PAX7: variants seen among roughly 807,000 people sequenced by gnomAD.
The protein encoded by PAX7 is paired box 7, also known as paired box protein Pax-7.
In PAX7, 18 loss-of-function variants were observed where a neutral mutation model predicts 50.7. The observed-to-expected ratio is 0.36, with a 90% CI of 0.25 to 0.53. The LOEUF (loss-of-function observed/expected upper bound fraction) is 0.53. Ranked by LOEUF, PAX7 falls within the 20% of genes least tolerant of loss-of-function variation. PAX7 has a pLI of 0.93. For synonymous variants in PAX7, 310 were observed against 290.4 expected, an observed-to-expected ratio of 1.07 and a Z score of -0.69; for missense variants, 644 against 702.9, an observed-to-expected ratio of 0.92 and a Z score of 0.95.
rs145154836 is a variant in PAX7, at chr1:18,692,499, G to A, written c.786+546G>A. On this transcript the variant is annotated intron_variant, in intron 5 of 8. Transcript: ENST00000420770. Reference sequence around the variant, plus strand: ...GGAGGTTGCAGTGAGCCAAGATTGCGCCACTGTACTCCAGCCTGGGTGACA... The same window carrying A: ...GGAGGTTGCAGTGAGCCAAGATTGCACCACTGTACTCCAGCCTGGGTGACA... 8.2e-3 allele frequency among the ~76,000 whole-genome samples: 1,229 copies of A among 150,056 alleles called. 16 individuals are homozygous for A. The highest frequency in any genetic ancestry group is 0.028 in the African/African-American group (1,123 of 40,726).
intron 8 of PAX7, among the ~76,000 whole-genome samples, chr1:18,737,355 G>A (rs1256813100): frequency 1.4e-5 from 2 of 142,866 alleles, no homozygotes; most frequent in African/African-American, 2.6e-5. Context: ...TCCTCTTCAC[G>A]TGTCGTTGGC....
At chr1:18,697,351 A>G (rs1051942486) in intron 5 of PAX7, among the ~76,000 whole-genome samples, 2 of 152,092 alleles carry the variant, frequency 1.3e-5, no homozygotes, top group Admixed American at 6.5e-5. Flanking sequence ...CTCTCTGTAA[A>G]CGGGCAGCTC....
intron 7 of PAX7, among the ~76,000 whole-genome samples, chr1:18,732,317 C>T (rs2089656299): frequency 6.6e-6 from 1 of 152,156 alleles, no homozygotes; most frequent in Admixed American, 6.5e-5. Context: ...GGCTTAGTGT[C>T]TGGCATATAA....
chr1:18,680,132 G>T (rs186993634), intron 4 of PAX7, among the ~76,000 whole-genome samples: 5 of 152,276 alleles, frequency 3.3e-5, no homozygotes, highest in South Asian at 2.1e-4. Context: ...CTAGGTTAGT[G>T]GGGGGCTGGG....
intron 4 of PAX7, among the ~76,000 whole-genome samples, chr1:18,648,536 T>A (rs1372571491): frequency 6.6e-6 from 1 of 151,938 alleles, no homozygotes; most frequent in Non-Finnish European, 1.5e-5. Flanking sequence ...AGAAACAGGA[T>A]TTTGCCACGT....
chr1:18,663,900 C>T (rs1342480135), intron 4 of PAX7, among the ~76,000 whole-genome samples: 1 of 152,248 alleles, frequency 6.6e-6, no homozygotes, highest in Admixed American at 6.5e-5. Flanking sequence ...GCTACCAGCC[C>T]ATGCCAGATG....
chr1:18,717,841 C>T (rs1216636334), intron 7 of PAX7, among the ~76,000 whole-genome samples: 1 of 152,196 alleles, frequency 6.6e-6, no homozygotes, highest in Admixed American at 6.5e-5. Context: ...TTAGTCCACC[C>T]ACAGACAAGC....
intron 4 of PAX7, among the ~76,000 whole-genome samples, chr1:18,668,970 C>T (rs2088705554): frequency 6.6e-6 from 1 of 152,216 alleles, no homozygotes; most frequent in African/African-American, 2.4e-5. Context: ...ACTCAGCCGC[C>T]TTGGCTATAG....
chr1:18,701,389 GGTGTGTGCATGA>G, intron 6 of PAX7, among the ~76,000 whole-genome samples: 1 of 150,514 alleles, frequency 6.6e-6, no homozygotes, highest in East Asian at 1.9e-4. Context: ...AGTGTGTGTG[GGTGTGTGCATGA>G]GTGTGTGCGT....
intron 4 of PAX7, among the ~76,000 whole-genome samples, chr1:18,673,468 A>G (rs926875030): frequency 6.6e-6 from 1 of 151,774 alleles, no homozygotes; most frequent in Admixed American, 6.6e-5. Context: ...AGATTGTACC[A>G]CCCCCTGCTA....
intron 1 of PAX7, among the ~76,000 whole-genome samples, chr1:18,633,831 A>G (rs2088099687): frequency 6.6e-6 from 1 of 152,224 alleles, no homozygotes; most frequent in South Asian, 2.1e-4. Context: ...TGAGCAGATG[A>G]GCCACATCAC....
At chr1:18,646,613 C>T (rs778522150) in intron 4 of PAX7, among the ~76,000 whole-genome samples, 1 of 152,178 alleles carries the variant, frequency 6.6e-6, no homozygotes, top group Non-Finnish European at 1.5e-5. Flanking sequence ...GCCGCCCTCT[C>T]GGCACAGTCC....
At chr1:18,741,310 T>G (rs537650540) in intron 8 of PAX7, among the ~76,000 whole-genome samples, 1 of 151,868 alleles carries the variant, frequency 6.6e-6, no homozygotes, top group Admixed American at 6.5e-5. Context: ...ATTAGCCAGG[T>G]GTATTGGTGG....
At chr1:18,706,035 G>A (rs995693618) in intron 7 of PAX7, among the ~76,000 whole-genome samples, 14 of 152,138 alleles carry the variant, frequency 9.2e-5, no homozygotes, top group Non-Finnish European at 1.9e-4. Context: ...GTTAACCTGC[G>A]AGCACTTCCT....
rs181063392 is a variant in PAX7, at chr1:18,637,413, G to T, written c.586+1042G>T. Reference sequence around the variant, plus strand: ...TAAAGAAAAGGCCCCAAACACATACGCGGAGAGGCGGCAGGCTGAGGGAAT... The same window carrying T: ...TAAAGAAAAGGCCCCAAACACATACTCGGAGAGGCGGCAGGCTGAGGGAAT... On this transcript the variant is annotated intron_variant, in intron 4 of 8. Transcript: ENST00000420770. Among the ~76,000 whole-genome samples, 33 of 152,270 alleles carry T rather than the reference G, an allele frequency of 2.2e-4. 1 individual carries two copies. In the South Asian group the frequency reaches 2.7e-3, roughly 12 times the overall value.
At chr1:18,718,909 G>A (rs912944981) in intron 7 of PAX7, among the ~76,000 whole-genome samples, 1 of 152,046 alleles carries the variant, frequency 6.6e-6, no homozygotes, top group Non-Finnish European at 1.5e-5. Flanking sequence ...CAAAGTGCTG[G>A]GATTACAGGC....
intron 4 of PAX7, among the ~76,000 whole-genome samples, chr1:18,679,869 G>A (rs531536408): frequency 6.6e-6 from 1 of 152,274 alleles, no homozygotes; most frequent in South Asian, 2.1e-4. Flanking sequence ...TGTGTTTTGC[G>A]CCAGGCAACT....
At chr1:18,739,988 G>A (rs1411061815) in intron 8 of PAX7, among the ~76,000 whole-genome samples, 1 of 152,196 alleles carries the variant, frequency 6.6e-6, no homozygotes, top group African/African-American at 2.4e-5. Flanking sequence ...CTCCTCTGGG[G>A]CTGCGGGCTG....
chr1:18,667,033 T>C (rs748629373), intron 4 of PAX7, among the ~76,000 whole-genome samples: 1 of 152,064 alleles, frequency 6.6e-6, no homozygotes, highest in Admixed American at 6.6e-5. Context: ...TAGCAGCTGG[T>C]TCTAGAGCTA....
Sources: gnomAD v4.1 joint callset for allele counts (sites outside exome capture counted in the v4.1 genomes callset) on GRCh38, gnomAD v4.1.1 for gene constraint, MANE v1.5 for transcripts, NCBI Gene and HGNC (gene_info 2026-07-23, HGNC 2026-07-21) for gene names.